SLC27A2: variants seen among roughly 807,000 people sequenced by gnomAD.
The protein encoded by SLC27A2 is long-chain fatty acid transport protein 2.
SLC27A2 carries 54 observed loss-of-function variants against 60.0 expected under a neutral mutation model. The ratio of observed to expected loss-of-function variants is 0.90; its 90% CI spans 0.72 to 1.13. The LOEUF is 1.13. Ranked by LOEUF, SLC27A2 falls within the 50% of genes most tolerant of loss-of-function variation. The pLI is 0.00. For synonymous variants in SLC27A2, 297 were observed against 297.6 expected, an observed-to-expected ratio of 1.00 and a Z score of 0.02; for missense variants, 739 against 777.6, an observed-to-expected ratio of 0.95 and a Z score of 0.59.
intron 5 of SLC27A2, 35 bp downstream of exon 5, chr15:50,223,194 A>T: frequency 6.6e-7 from 1 of 1,504,314 alleles, no homozygotes. Context: ...ATACGTAGCC[A>T]GTTTTCAGAA....
chr15:50,188,646 A>G (rs7170583), intron 1 of SLC27A2, among the ~76,000 whole-genome samples: 144,957 of 152,310 alleles, frequency 0.95, 69,103 homozygotes, highest in East Asian at 1. Flanking sequence ...TGTCTAGCAC[A>G]TAGTAGGCAG....
intron 1 of SLC27A2, among the ~76,000 whole-genome samples, chr15:50,193,576 A>C (rs1237564237): frequency 6.6e-6 from 1 of 152,188 alleles, no homozygotes; most frequent in Non-Finnish European, 1.5e-5. Context: ...TGTTGTTTTA[A>C]AATTTGCCTC....
chr15:50,197,567 G>A lies in SLC27A2; in HGVS notation c.546G>A (p.Val182=). The change falls in exon 2 of 10, where the codon GTG becomes GTA. Residue 182 remains valine (V), a synonymous_variant. Transcript: ENST00000267842. ...AAGATGATGTGTCCATCTATTATGT[G>A]AGCAGAACTTCTAACACAGATGGGA... ...LKKDDVSIYY[V]SRTSNTDGID... 6 of 1,613,954 alleles carry A rather than the reference G, an allele frequency of 3.7e-6. No homozygotes were observed. Among genetic ancestry groups the A allele is most frequent in the Non-Finnish European group, 5.1e-6 (6 of 1,179,894 alleles).
chr15:50,209,943 A>G (rs2045141744), intron 4 of SLC27A2, among the ~76,000 whole-genome samples: 1 of 152,214 alleles, frequency 6.6e-6, no homozygotes, highest in Non-Finnish European at 1.5e-5. Context: ...AAAAGATAAC[A>G]GTGACTGACA....
At position 50,182,335 on chromosome 15, in the gene SLC27A2, C is replaced by T; in HGVS notation, c.-93C>T. On this transcript the variant is annotated 5_prime_UTR_variant, in exon 1 of 10. Transcript: ENST00000267842. ...TCCCGCCGCGTGCGCCCCGGCGCAGCCCGCCAGTCCGCCCGGAGCCCGCCC... is the reference window on the plus strand; with the variant it reads ...TCCCGCCGCGTGCGCCCCGGCGCAGTCCGCCAGTCCGCCCGGAGCCCGCCC... 1.5e-6 allele frequency: 2 copies of T among 1,354,942 alleles called. No individual in the cohort carries two copies. Among genetic ancestry groups the T allele is most frequent in the Non-Finnish European group, 1.9e-6 (2 of 1,054,520 alleles). The allele number at this position is 1,354,942 out of a possible 1,614,324, so 83.9% of individuals were successfully genotyped here. A position where few individuals can be genotyped will look rare whatever the true frequency, so the allele number is the denominator to read the frequency against.
Position 50,184,991 on chromosome 15 carries a change from T to C in SLC27A2, c.478+2086T>C, listed in dbSNP as rs573583288. 2.8e-3 allele frequency among the ~76,000 whole-genome samples: 433 copies of C among 152,372 alleles called. 1 individual carries two copies. The highest frequency in any genetic ancestry group is 2.8e-3 in the Non-Finnish European group (191 of 68,038). The stretch of plus-strand genomic sequence containing the variant: ...GAAGACTCTCCTAAGCCTATTACTT[T>C]ACCAGCTTGCTTGGAGGGAAATTAT... On this transcript the variant is annotated intron_variant, in intron 1 of 9. Coordinates refer to ENST00000267842, the MANE Select transcript of SLC27A2 (RefSeq NM_003645.4).
intron 4 of SLC27A2, among the ~76,000 whole-genome samples, chr15:50,207,244 C>T (rs941061610): frequency 4.6e-5 from 7 of 152,112 alleles, no homozygotes; most frequent in South Asian, 2.1e-4. Flanking sequence ...TGCACACATA[C>T]ACACATGCAT....
intron 1 of SLC27A2, among the ~76,000 whole-genome samples, 170 bp from the exon 2 acceptor site, chr15:50,197,328 CAT>C (rs1595682504): frequency 6.6e-6 from 1 of 152,126 alleles, no homozygotes; most frequent in African/African-American, 2.4e-5. Context: ...ACCCCATCTC[CAT>C]TAAAATAATA....
chr15:50,191,058 A>G (rs542673003), intron 1 of SLC27A2: 117 of 152,338 alleles, frequency 7.7e-4, no homozygotes, highest in African/African-American at 2.5e-3. Context: ...TCAGAAGCCC[A>G]GAATGATTCT....
intron 1 of SLC27A2, chr15:50,191,245 AAG>A (rs773126757): frequency 6.6e-6 from 1 of 152,314 alleles, no homozygotes. Context: ...GTTATTAGTA[AAG>A]AGAGAGGTGG....
At chr15:50,183,004 G>GGT in intron 1 of SLC27A2, 99 bp downstream of exon 1, 1 of 1,198,348 alleles carries the variant, frequency 8.3e-7, no homozygotes, top group East Asian at 2.3e-5. Context: ...GGGAGGTTCA[G>GGT]ATCGGAACTG....
At chr15:50,201,777 G>C (rs1182435290) in intron 2 of SLC27A2, among the ~76,000 whole-genome samples, 2 of 151,940 alleles carry the variant, frequency 1.3e-5, no homozygotes, top group East Asian at 1.9e-4. Flanking sequence ...GGATGGTCTT[G>C]ATCTCCTGAC....
At chr15:50,203,024 T>A (rs2414036) in intron 3 of SLC27A2, among the ~76,000 whole-genome samples, 54,974 of 111,680 alleles carry the variant, frequency 0.49, 10,955 homozygotes, top group East Asian at 0.58. Flanking sequence ...AAAAAAAATA[T>A]ATATATATAT....
chr15:50,189,016 T>TAGAC (rs1310052065), intron 1 of SLC27A2, among the ~76,000 whole-genome samples: 2 of 151,140 alleles, frequency 1.3e-5, no homozygotes, highest in African/African-American at 2.4e-5. Flanking sequence ...GATAGATAGA[T>TAGAC]AGATAGATAG....
rs1261379627 is a variant in SLC27A2 at position 50,188,014 on chromosome 15, T to G, written c.478+5109T>G. Reference sequence around the variant, plus strand: ...GAGAGAGTCCCAACAAGGTACAAGCTAGTTTTCTCTGTGCCATGATGGGAT... The same window carrying G: ...GAGAGAGTCCCAACAAGGTACAAGCGAGTTTTCTCTGTGCCATGATGGGAT... On this transcript the variant is annotated intron_variant, in intron 1 of 9. Coordinates refer to ENST00000267842, the MANE Select transcript of SLC27A2 (RefSeq NM_003645.4). Among the ~76,000 whole-genome samples, 8 of 148,836 alleles carry G rather than the reference T, an allele frequency of 5.4e-5. No individual in the cohort carries two copies. In the East Asian group the frequency reaches 1.6e-3, roughly 29 times the overall value.
chr15:50,236,225 G>A lies in SLC27A2; in HGVS notation c.*129G>A, dbSNP rs75075718. 7.0e-3 allele frequency: 4,614 copies of A among 662,244 alleles called. 26 individuals are homozygous for A. The highest frequency in any genetic ancestry group is 8.4e-3 in the Non-Finnish European group (3,553 of 420,706). 41.0% of individuals were successfully genotyped at this position (662,244 alleles called of 1,614,324 possible). On this transcript the variant is annotated 3_prime_UTR_variant, in exon 10 of 10. Coordinates refer to ENST00000267842, the MANE Select transcript of SLC27A2 (RefSeq NM_003645.4). ...TAGGAAATTTGCATACCCGTAAAGG[G>A]AGACTTTTTTAAATAACAGTTGAGT...
At chr15:50,186,983 T>A (rs1203983886) in intron 1 of SLC27A2, among the ~76,000 whole-genome samples, 4 of 152,214 alleles carry the variant, frequency 2.6e-5, no homozygotes, top group Non-Finnish European at 5.9e-5. Context: ...CATCTGTCAG[T>A]CAAATTCTGC....
intron 4 of SLC27A2, among the ~76,000 whole-genome samples, chr15:50,216,610 G>GTGTGTGTGTGTGTATATATATATA (rs1323910367): frequency 1.5e-5 from 1 of 66,492 alleles, no homozygotes; most frequent in African/African-American, 5.5e-5. Flanking sequence ...GTGTGTGTGT[G>GTGTGTGTGTGTGTATATATATATA]TATATATATA....
At chr15:50,197,254 T>G (rs2045030861) in intron 1 of SLC27A2, among the ~76,000 whole-genome samples, 1 of 152,096 alleles carries the variant, frequency 6.6e-6, no homozygotes, top group Non-Finnish European at 1.5e-5. Flanking sequence ...TCCCCACACT[T>G]TGGGAGGCCA....
Sources: allele counts gnomAD v4.1 joint callset (sites outside exome capture counted in the v4.1 genomes callset), GRCh38; gene constraint gnomAD v4.1.1; transcripts MANE v1.5; gene names NCBI Gene and HGNC (gene_info 2026-07-23, HGNC 2026-07-21).